Variants in CNPY1 observed in about 807,000 individuals in gnomAD.
CNPY1 encodes protein canopy homolog 1.
In CNPY1, 14 loss-of-function variants were observed where a neutral mutation model predicts 14.4. The ratio of observed to expected loss-of-function variants is 0.97; its 90% CI spans 0.64 to 1.52. CNPY1 has a LOEUF of 1.52. Ranked by LOEUF, CNPY1 falls within the 40% of genes most tolerant of loss-of-function variation. The pLI is 0.00. For missense variants in CNPY1, 129 were observed against 131.5 expected (o/e 0.98, Z 0.09); for synonymous variants, 43 against 46.5 (o/e 0.92, Z 0.31).
chr7:155,541,056 C>T (rs530131720), intron 2 of CNPY1, among the ~76,000 whole-genome samples: 2 of 152,322 alleles, frequency 1.3e-5, no homozygotes, highest in South Asian at 2.1e-4. Context: ...AGGCTTTGTG[C>T]CAGTGTGAGG....
chr7:155,508,327 T>C (rs1212095969), intron 3 of CNPY1, among the ~76,000 whole-genome samples: 1 of 152,238 alleles, frequency 6.6e-6, no homozygotes, highest in East Asian at 1.9e-4. Context: ...TTAACTTAGT[T>C]TGGGCTAGAA....
rs1563084756 is a variant in CNPY1, at chr7:155,502,876, C to G, written c.*192G>C. 3.7e-6 allele frequency: 2 copies of G among 538,504 alleles called. No homozygotes were observed. The highest frequency in any genetic ancestry group is 6.6e-6 in the Non-Finnish European group (2 of 303,470). The allele number at this position is 538,504 out of a possible 1,614,324, so 33.4% of individuals were successfully genotyped here. ...AGTTTCATGTACTCCTCAGCTTCAC[C>G]TATAAAAAAACGCAGGGTTTGTCAT... On this transcript the variant is annotated 3_prime_UTR_variant, in exon 5 of 5. Transcript: ENST00000636446.
intron 2 of CNPY1, among the ~76,000 whole-genome samples, chr7:155,534,608 C>T (rs747202616): frequency 6.6e-6 from 1 of 152,214 alleles, no homozygotes; most frequent in African/African-American, 2.4e-5. Context: ...CACAGCGTCG[C>T]GGGATGGCCC....
intron 2 of CNPY1, among the ~76,000 whole-genome samples, chr7:155,534,609 G>A (rs1797001420): frequency 6.6e-6 from 1 of 152,218 alleles, no homozygotes; most frequent in South Asian, 2.1e-4. Flanking sequence ...ACAGCGTCGC[G>A]GGATGGCCCA....
At chr7:155,508,665 T>C (rs1796413097) in intron 3 of CNPY1, among the ~76,000 whole-genome samples, 1 of 152,248 alleles carries the variant, frequency 6.6e-6, no homozygotes, top group South Asian at 2.1e-4. Flanking sequence ...ACGTGTCCAT[T>C]GATCACCATA....
intron 2 of CNPY1, among the ~76,000 whole-genome samples, chr7:155,511,067 C>T (rs951633740): frequency 5.3e-5 from 8 of 152,128 alleles, no homozygotes; most frequent in Non-Finnish European, 1.0e-4. Flanking sequence ...GAAGAGTAGA[C>T]GCTGTCATTT....
rs1383887855 is a variant in CNPY1 at position 155,502,189 on chromosome 7, G to C, written c.*879C>G. 1 of 152,142 alleles carries C rather than the reference G, an allele frequency of 6.6e-6. No individual in the cohort carries two copies. Among genetic ancestry groups the C allele is most frequent in the Non-Finnish European group, 1.5e-5 (1 of 68,034 alleles). The allele number at this position is 152,142 out of a possible 1,614,324, so 9.4% of individuals were successfully genotyped here. ...ATTGTTACTAGACTTTGTATATTAA[G>C]TGTGGCCAAAAGATAATTTCCCACC... On this transcript the variant is annotated 3_prime_UTR_variant, in exon 5 of 5. Coordinates refer to ENST00000636446, the MANE Select transcript of CNPY1 (RefSeq NM_001393663.1).
At chr7:155,506,947 C>T (rs1435893992) in intron 4 of CNPY1, 73 bp downstream of exon 4, 11 of 1,004,048 alleles carry the variant, frequency 1.1e-5, no homozygotes, top group Non-Finnish European at 1.5e-6. Context: ...GGTCTGCAAA[C>T]AAGACGCTGC....
chr7:155,522,963 C>T (rs1796752251), intron 2 of CNPY1, among the ~76,000 whole-genome samples: 1 of 152,216 alleles, frequency 6.6e-6, no homozygotes. Context: ...GCACGGTGCC[C>T]ACTGTGTCTT....
At chr7:155,525,172 T>A (rs1316908784) in intron 2 of CNPY1, among the ~76,000 whole-genome samples, 1 of 152,158 alleles carries the variant, frequency 6.6e-6, no homozygotes, top group Non-Finnish European at 1.5e-5. Flanking sequence ...TAGCATTTCA[T>A]CTTTCTTTCT....
At chr7:155,506,898 C>A in intron 4 of CNPY1, 122 bp downstream of exon 4, 39 of 625,688 alleles carry the variant, frequency 6.2e-5, no homozygotes, top group Non-Finnish European at 6.9e-5. Context: ...GACGGGGGAT[C>A]CTGTGTCAGA....
chr7:155,537,318 C>A (rs952150115), intron 2 of CNPY1, among the ~76,000 whole-genome samples: 10 of 152,074 alleles, frequency 6.6e-5, no homozygotes, highest in African/African-American at 2.4e-4. Flanking sequence ...TAGAGGATTG[C>A]ATCGGTTCCT....
chr7:155,533,731 G>A (rs1460617865), intron 2 of CNPY1: 1 of 152,200 alleles, frequency 6.6e-6, no homozygotes, highest in Non-Finnish European at 1.5e-5. Flanking sequence ...TTCTTACGGA[G>A]AGGAGAAAGA....
chr7:155,518,644 C>T (rs1299042313), intron 2 of CNPY1: 2 of 152,236 alleles, frequency 1.3e-5, no homozygotes, highest in African/African-American at 4.8e-5. Flanking sequence ...TGGTTCCTGG[C>T]ACCTGTCTTA....
rs748341430 is a variant in CNPY1, at chr7:155,507,048, T to G, written c.372A>C (p.Leu124=). The change falls in exon 4 of 5, where the codon CTA becomes CTC. Residue 124 remains leucine (L), a synonymous_variant. Coordinates refer to ENST00000636446, the MANE Select transcript of CNPY1 (RefSeq NM_001393663.1). ...SSLIAQETHY[L]ADKLCSEKSD... ...ATTTTTCACTGCACAGCTTGTCAGC[T>G]AGATAGTGTGTCTCCTGGGCGATAA... The G allele has an allele frequency of 6.2e-7, 1 of 1,612,454 alleles. No individual in the cohort carries two copies. The highest frequency in any genetic ancestry group is 1.1e-5 in the South Asian group (1 of 91,014).
At chr7:155,546,396 C>T in intron 1 of CNPY1, 33 bp downstream of exon 1, 1 of 398,100 alleles carries the variant, frequency 2.5e-6, no homozygotes, top group Non-Finnish European at 4.4e-6. Context: ...CTATGTTGCC[C>T]AGGTAGGTCT....
intron 2 of CNPY1, among the ~76,000 whole-genome samples, chr7:155,526,263 C>T (rs954867586): frequency 1.3e-5 from 2 of 152,150 alleles, no homozygotes; most frequent in Admixed American, 6.6e-5. Flanking sequence ...CTCTGGTACA[C>T]GCTGTGATGT....
intron 2 of CNPY1, among the ~76,000 whole-genome samples, chr7:155,525,381 C>T (rs1796801228): frequency 1.3e-5 from 2 of 152,194 alleles, no homozygotes; most frequent in Non-Finnish European, 1.5e-5. Flanking sequence ...GTCAGTCAGG[C>T]TGGTCTCAAA....
chr7:155,520,428 C>CTTT (rs71522007), intron 2 of CNPY1, among the ~76,000 whole-genome samples: 237 of 69,240 alleles, frequency 3.4e-3, no homozygotes, highest in Non-Finnish European at 3.7e-3. Flanking sequence ...TTCTTTCTTT[C>CTTT]TTTTTTTTTT....
Sources: allele counts gnomAD v4.1 joint callset (sites outside exome capture counted in the v4.1 genomes callset), GRCh38; gene constraint gnomAD v4.1.1; transcripts MANE v1.5; gene names NCBI Gene and HGNC (gene_info 2026-07-23, HGNC 2026-07-21).